RPS6KC1: variants seen among roughly 807,000 people sequenced by gnomAD.
The protein encoded by RPS6KC1 is inactive ribosomal protein S6 kinase delta-1.
RPS6KC1 carries 54 observed loss-of-function variants against 103.8 expected under a neutral mutation model. That is an observed-to-expected ratio of 0.52 (90% CI 0.42 to 0.65). The LOEUF (loss-of-function observed/expected upper bound fraction) is 0.65, where lower values mean the gene tolerates loss of function less well. RPS6KC1 is among the 30% of genes least tolerant of loss of function. The pLI, the probability that RPS6KC1 is intolerant of heterozygous loss-of-function variation, is 0.00. For synonymous variants in RPS6KC1, 439 were observed against 438.7 expected (o/e 1.00, Z -0.01); for missense variants, 1,151 against 1,253.8 (o/e 0.92, Z 1.24).
At chr1:213,249,864 C>A (rs2094515289) in intron 12 of RPS6KC1, among the ~76,000 whole-genome samples, 1 of 152,178 alleles carries the variant, frequency 6.6e-6, no homozygotes, top group Admixed American at 6.5e-5. Flanking sequence ...ACAAGTAATT[C>A]TTGGCTCTGG....
the RPS6KC1 span, among the ~76,000 whole-genome samples, chr1:213,859,343 T>C: frequency 2.6e-5 from 4 of 152,200 alleles, no homozygotes; most frequent in Non-Finnish European, 4.4e-5. Context: ...ATTATTAACA[T>C]GATTTATTCC....
At chr1:213,243,919 A>T (rs930841824) in intron 12 of RPS6KC1, among the ~76,000 whole-genome samples, 3 of 152,176 alleles carry the variant, frequency 2.0e-5, no homozygotes, top group African/African-American at 7.2e-5. Context: ...TACAACTTTC[A>T]TTGTTAAGAA....
the RPS6KC1 span, among the ~76,000 whole-genome samples, chr1:213,592,330 T>G: frequency 1.3e-5 from 2 of 152,354 alleles, no homozygotes; most frequent in African/African-American, 4.8e-5. Context: ...AAATCAGAGT[T>G]GAAAACTGGT....
the RPS6KC1 span, among the ~76,000 whole-genome samples, chr1:213,582,729 G>T: frequency 3.3e-5 from 5 of 152,204 alleles, no homozygotes; most frequent in Non-Finnish European, 7.3e-5. Flanking sequence ...GCTAATAAAT[G>T]ATGGTGCTTT....
the RPS6KC1 span, among the ~76,000 whole-genome samples, chr1:213,617,000 A>G: frequency 6.6e-6 from 1 of 152,298 alleles, no homozygotes; most frequent in Non-Finnish European, 1.5e-5. Flanking sequence ...GTAAGAAGGG[A>G]CACAGCACAA....
intron 8 of RPS6KC1, among the ~76,000 whole-genome samples, chr1:213,229,010 A>G (rs2094025183): frequency 6.6e-6 from 1 of 152,130 alleles, no homozygotes; most frequent in African/African-American, 2.4e-5. Flanking sequence ...AGTTCAGAGT[A>G]ACTTAGACCA....
At chr1:213,699,666 A>G in the RPS6KC1 span, among the ~76,000 whole-genome samples, 1 of 152,146 alleles carries the variant, frequency 6.6e-6, no homozygotes, top group African/African-American at 2.4e-5. Context: ...TTCCACCAAC[A>G]ATGTACAAAG....
intron 12 of RPS6KC1, among the ~76,000 whole-genome samples, chr1:213,258,846 C>T (rs1028005722): frequency 2.6e-5 from 4 of 152,112 alleles, no homozygotes; most frequent in African/African-American, 7.2e-5. Context: ...ATAGTGGCTC[C>T]CTGTGAAATG....
intron 8 of RPS6KC1, among the ~76,000 whole-genome samples, chr1:213,201,044 A>T (rs1206025823): frequency 6.6e-6 from 1 of 152,220 alleles, no homozygotes; most frequent in Admixed American, 6.5e-5. Context: ...CTGAGTGATG[A>T]AATAATCTGT....
intron 1 of RPS6KC1, among the ~76,000 whole-genome samples, chr1:213,062,706 C>T (rs1468883239): frequency 1.3e-5 from 2 of 151,854 alleles, no homozygotes; most frequent in Admixed American, 6.6e-5. Flanking sequence ...ACAGGCGAGC[C>T]CCACCACACC....
chr1:213,557,624 C>T, the RPS6KC1 span, among the ~76,000 whole-genome samples: 1 of 152,126 alleles, frequency 6.6e-6, no homozygotes, highest in East Asian at 1.9e-4. Flanking sequence ...ATTTTATTTA[C>T]TATGTGGGTA....
At chr1:213,575,340 G>T in the RPS6KC1 span, among the ~76,000 whole-genome samples, 1 of 152,152 alleles carries the variant, frequency 6.6e-6, no homozygotes, top group Non-Finnish European at 1.5e-5. Flanking sequence ...GGATGATGCT[G>T]GTAAAATAGG....
the RPS6KC1 span, among the ~76,000 whole-genome samples, chr1:213,657,006 G>C: frequency 6.6e-6 from 1 of 152,178 alleles, no homozygotes; most frequent in Non-Finnish European, 1.5e-5. Context: ...AGCATCAGAG[G>C]GGCCAGGTGA....
intron 8 of RPS6KC1, 167 bp downstream of exon 8, chr1:213,176,659 G>A (rs181613106): frequency 2.2e-6 from 1 of 450,686 alleles, no homozygotes; most frequent in African/African-American, 1.9e-5. Flanking sequence ...TTTTATCTGA[G>A]CAATTCATGT....
At chr1:213,275,819 C>G (rs1160919378), downstream of RPS6KC1, among the ~76,000 whole-genome samples, 1 of 152,210 alleles carries the variant, frequency 6.6e-6, no homozygotes, top group Non-Finnish European at 1.5e-5. Flanking sequence ...AGAACCTATT[C>G]TTCCTGTCTA....
the RPS6KC1 span, among the ~76,000 whole-genome samples, chr1:213,721,157 A>T: frequency 6.6e-6 from 1 of 152,214 alleles, no homozygotes; most frequent in Non-Finnish European, 1.5e-5. Flanking sequence ...CAGGGAAAAG[A>T]GGGAAGGTGA....
the RPS6KC1 span, among the ~76,000 whole-genome samples, chr1:213,288,318 C>T: frequency 6.6e-6 from 1 of 152,324 alleles, no homozygotes; most frequent in East Asian, 1.9e-4. Context: ...AGTGGCATGA[C>T]AGTTGAAGCA....
chr1:213,719,717 G>A, the RPS6KC1 span, among the ~76,000 whole-genome samples: 1 of 152,104 alleles, frequency 6.6e-6, no homozygotes, highest in Non-Finnish European at 1.5e-5. Context: ...ATCCCCATTG[G>A]CCAAGCCAAA....
the RPS6KC1 span, among the ~76,000 whole-genome samples, chr1:213,531,046 T>G: frequency 6.6e-6 from 1 of 152,174 alleles, no homozygotes; most frequent in Non-Finnish European, 1.5e-5. Flanking sequence ...GGAGTTAGAA[T>G]GAAGGAATAG....
Sources: allele counts gnomAD v4.1 joint callset (sites outside exome capture counted in the v4.1 genomes callset), GRCh38; gene constraint gnomAD v4.1.1; transcripts MANE v1.5; gene names NCBI Gene and HGNC (gene_info 2026-07-23, HGNC 2026-07-21).